Variants in NLRP5 observed in about 807,000 individuals in gnomAD.
NLRP5 encodes the protein NLR family pyrin domain containing 5.
In NLRP5, 93 loss-of-function variants were observed where a neutral mutation model predicts 113.1. That is an observed-to-expected ratio of 0.82 (90% CI 0.70 to 0.98). The LOEUF (loss-of-function observed/expected upper bound fraction) is 0.98. Among genes scored for constraint, NLRP5 ranks in the 50% least tolerant of loss-of-function variants. The pLI is 0.00. For synonymous variants in NLRP5, 751 were observed against 600.7 expected, an observed-to-expected ratio of 1.25 and a Z score of -3.66; for missense variants, 1,808 against 1,514.3, an observed-to-expected ratio of 1.19 and a Z score of -3.22.
chr19:56,019,361 A>G lies in NLRP5; in HGVS notation c.585A>G (p.Glu195=). The change falls in exon 5 of 15, where the codon GAA becomes GAG. Residue 195 remains glutamate (E), a synonymous_variant. Transcript: ENST00000390649. ...TTGCAGAAATTTCACAAGCTATGGA[A>G]CAAGAAGGTGCCACAGCAGCAGAGA... The G allele has an allele frequency of 6.2e-7, 1 of 1,614,036 alleles. No homozygotes were observed. The highest frequency in any genetic ancestry group is 2.2e-5 in the East Asian group (1 of 44,880).
Position 56,027,153 on chromosome 19 carries a change from G to T in NLRP5, c.920G>T (p.Gly307Val). The T allele has an allele frequency of 6.2e-7, 1 of 1,603,128 alleles. No individual in the cohort carries two copies. The highest frequency in any genetic ancestry group is 8.5e-7 in the Non-Finnish European group (1 of 1,175,002). Residue 307 changes from glycine (G) to valine (V), a missense_variant, in exon 7 of 15, where the codon GGA (glycine) becomes GTA (valine). Coordinates refer to ENST00000390649, the MANE Select transcript of NLRP5 (RefSeq NM_153447.4). Reference sequence around the variant, plus strand: ...ATCGTGCTGTGCTGGGCGCAAGGTGGACTCTACCAGGGAATGTTCTCCTAC... The same window carrying T: ...ATCGTGCTGTGCTGGGCGCAAGGTGTACTCTACCAGGGAATGTTCTCCTAC...
At chr19:56,032,417 G>A (rs532835075) in intron 7 of NLRP5, among the ~76,000 whole-genome samples, 194 bp from the exon 8 acceptor site, 3 of 151,908 alleles carry the variant, frequency 2.0e-5, no homozygotes, top group Non-Finnish European at 2.9e-5. Flanking sequence ...CTCGGGTATC[G>A]GTATATCCGG....
At chr19:56,009,990 C>T (rs144633181) in intron 3 of NLRP5, among the ~76,000 whole-genome samples, 8 of 152,272 alleles carry the variant, frequency 5.3e-5, no homozygotes, top group Non-Finnish European at 7.4e-5. Flanking sequence ...GATAAGACTG[C>T]GTCTCAGAGG....
chr19:56,054,049 C>G (rs1009398935), intron 13 of NLRP5, among the ~76,000 whole-genome samples: 1 of 152,132 alleles, frequency 6.6e-6, no homozygotes, highest in African/African-American at 2.4e-5. Flanking sequence ...CCTCAACTGC[C>G]GATTGAACGA....
intron 6 of NLRP5, among the ~76,000 whole-genome samples, chr19:56,024,415 T>A (rs1982742009): frequency 1.6e-5 from 2 of 124,642 alleles, no homozygotes; most frequent in Non-Finnish European, 3.4e-5. Context: ...CATATATGTA[T>A]ATATGTTATA....
intron 6 of NLRP5, among the ~76,000 whole-genome samples, chr19:56,025,386 TTCTCTC>T (rs3055366): frequency 3.4e-5 from 5 of 146,480 alleles, no homozygotes; most frequent in Non-Finnish European, 7.6e-5. Flanking sequence ...ACGTGCTCCG[TTCTCTC>T]TCTCTCTCTC....
At chr19:56,019,228 T>C in intron 4 of NLRP5, 114 bp from the exon 5 acceptor site, 2 of 1,203,616 alleles carry the variant, frequency 1.7e-6, no homozygotes, top group East Asian at 2.5e-5. Flanking sequence ...GGTTGCCATG[T>C]TTTCAACTGG....
intron 9 of NLRP5, 111 bp from the exon 10 acceptor site, chr19:56,037,914 A>G (rs939736159): frequency 3.5e-5 from 37 of 1,066,118 alleles, no homozygotes; most frequent in Non-Finnish European, 4.9e-5. Flanking sequence ...AGGAGCAGAC[A>G]GAGTTCGAGG....
In NLRP5 at chr19:56,061,621, T is replaced by C; in HGVS notation, c.*93T>C. On this transcript the variant is annotated 3_prime_UTR_variant, in exon 15 of 15. Coordinates refer to ENST00000390649, the MANE Select transcript of NLRP5 (RefSeq NM_153447.4). ...AAGCTATGCACCTGGGAGTTCCTTC[T>C]CAAAGATGGAGAATGATTTCTGATT... is the stretch of plus-strand genomic sequence containing the variant. 7.4e-7 allele frequency: 1 copy of C among 1,342,660 alleles called. No individual in the cohort carries two copies. The highest frequency in any genetic ancestry group is 1.1e-6 in the Non-Finnish European group (1 of 951,086). 83.2% of individuals were successfully genotyped at this position (1,342,660 alleles called of 1,614,324 possible).
intron 11 of NLRP5, among the ~76,000 whole-genome samples, chr19:56,044,235 T>C (rs1341663589): frequency 1.3e-5 from 2 of 152,070 alleles, no homozygotes; most frequent in Non-Finnish European, 2.9e-5. Context: ...AGCTAATTTT[T>C]GTATTTTTAG....
intron 2 of NLRP5, 136 bp from the exon 3 acceptor site, chr19:56,008,652 A>C: frequency 2.7e-6 from 2 of 738,690 alleles, no homozygotes; most frequent in Non-Finnish European, 4.7e-6. Flanking sequence ...GTTATAGGCC[A>C]ATCATGGAAT....
chr19:56,060,647 C>CTTAGGACTG (rs1409099560), intron 14 of NLRP5, among the ~76,000 whole-genome samples: 2 of 152,128 alleles, frequency 1.3e-5, no homozygotes, highest in Non-Finnish European at 2.9e-5. Flanking sequence ...ATGCCTGCAT[C>CTTAGGACTG]TTAGGACTGT....
In NLRP5 at chr19:56,026,352, C is replaced by T. The variant is rs1054513766; in HGVS notation, c.680-561C>T. Among the ~76,000 whole-genome samples, 4 of 151,588 alleles carry T rather than the reference C, an allele frequency of 2.6e-5. No individual in the cohort carries two copies. In the East Asian group the frequency reaches 7.9e-4, roughly 30 times the overall value. Reference sequence around the variant, plus strand: ...GACCATCCTGGCGAACACGGTGAAACCCCGTCTCTACTAAAAATACAGAAA... The same window carrying T: ...GACCATCCTGGCGAACACGGTGAAATCCCGTCTCTACTAAAAATACAGAAA... On this transcript the variant is annotated intron_variant, in intron 6 of 14. Transcript: ENST00000390649.
At chr19:55,989,848 C>T in the NLRP5 span, among the ~76,000 whole-genome samples, 90,320 of 151,586 alleles carry the variant, frequency 0.6, 27,175 homozygotes, top group East Asian at 0.8. Context: ...GCATTTAAAA[C>T]GGATAAAGAT....
Position 56,035,972 on chromosome 19 carries a change from T to G in NLRP5, c.2616-2053T>G, listed in dbSNP as rs572712543. On this transcript the variant is annotated intron_variant, in intron 9 of 14. Coordinates refer to ENST00000390649, the MANE Select transcript of NLRP5 (RefSeq NM_153447.4). Reference sequence around the variant, plus strand: ...GATGTGCTGATGAATGAAACGAGATTCTTTGATTCAATAACGACAGATGCT... The same window carrying G: ...GATGTGCTGATGAATGAAACGAGATGCTTTGATTCAATAACGACAGATGCT... Among the ~76,000 whole-genome samples, 10 of 152,118 alleles carry G rather than the reference T, an allele frequency of 6.6e-5. No homozygotes were observed. In the South Asian group the frequency reaches 1.9e-3, roughly 28 times the overall value.
chr19:56,040,718 A>G (rs1204869261), intron 10 of NLRP5, among the ~76,000 whole-genome samples: 2 of 152,170 alleles, frequency 1.3e-5, no homozygotes, highest in Non-Finnish European at 2.9e-5. Context: ...CTAATCACCC[A>G]CAATACTTAG....
intron 2 of NLRP5, among the ~76,000 whole-genome samples, chr19:56,005,531 C>T (rs531713406): frequency 1.2e-4 from 15 of 120,632 alleles, no homozygotes; most frequent in South Asian, 7.1e-4. Context: ...TACACACACA[C>T]GCACACACGC....
At position 56,061,225 on chromosome 19, in the gene NLRP5, C is replaced by A. The variant is rs562811869; in HGVS notation, c.3471-171C>A. ...AGCAAGCTGTTTCTTTTCTTGTCTGCCATCCTACAAACTCAATAATTTGTT... is the reference window on the plus strand; with the variant it reads ...AGCAAGCTGTTTCTTTTCTTGTCTGACATCCTACAAACTCAATAATTTGTT... On this transcript the variant is annotated intron_variant, in intron 14 of 14. Transcript: ENST00000390649. 2.0e-5 allele frequency among the ~76,000 whole-genome samples: 3 copies of A among 152,298 alleles called. No homozygotes were observed. In the South Asian group the frequency reaches 6.2e-4, roughly 32 times the overall value.
intron 6 of NLRP5, among the ~76,000 whole-genome samples, chr19:56,021,212 C>T (rs532192713): frequency 4.4e-4 from 67 of 152,170 alleles, no homozygotes; most frequent in Non-Finnish European, 7.6e-4. Flanking sequence ...ATTAGCTAAA[C>T]CTTATGGAAT....
Sources: allele counts gnomAD v4.1 joint callset (sites outside exome capture counted in the v4.1 genomes callset), GRCh38; gene constraint gnomAD v4.1.1; transcripts MANE v1.5; gene names NCBI Gene and HGNC (gene_info 2026-07-23, HGNC 2026-07-21).